CIP2A: variants seen among roughly 807,000 people sequenced by gnomAD.
The protein encoded by CIP2A is protein CIP2A.
In CIP2A, 103 loss-of-function variants were observed where a neutral mutation model predicts 110.9. The observed-to-expected ratio is 0.93, with a 90% confidence interval of 0.79 to 1.09. The LOEUF is 1.09. Among genes scored for constraint, CIP2A ranks in the 50% least tolerant of loss-of-function variants. CIP2A has a pLI of 0.00. For synonymous variants in CIP2A, 381 were observed against 361.6 expected (o/e 1.05, Z -0.61); for missense variants, 1,088 against 1,038.4 (o/e 1.05, Z -0.66).
chr3:108,562,354 G>A (rs1039902376), intron 13 of CIP2A, among the ~76,000 whole-genome samples: 4 of 152,102 alleles, frequency 2.6e-5, no homozygotes, highest in Non-Finnish European at 4.4e-5. Flanking sequence ...AAATGAGTGG[G>A]TGTGGCCATA....
chr3:108,576,267 A>C lies in CIP2A; in HGVS notation c.894+4T>G. The C allele has an allele frequency of 1.3e-6, 2 of 1,521,928 alleles. No homozygotes were observed. Among genetic ancestry groups the C allele is most frequent in the South Asian group, 2.6e-5 (2 of 78,112 alleles). The allele number at this position is 1,521,928 out of a possible 1,614,324, so 94.3% of individuals were successfully genotyped here. On this transcript the variant is annotated splice_donor_region_variant and intron_variant, in intron 8 of 20. Coordinates refer to ENST00000295746, the MANE Select transcript of CIP2A (RefSeq NM_020890.3). The stretch of plus-strand genomic sequence containing the variant: ...TTTAAATGAAAAGTCATGTTTTTAC[A>C]TACCTTTGAAGAGGAATCAGGATCC...
At position 108,581,416 on chromosome 3, in the gene CIP2A, A is replaced by G. The variant is rs1440973952; in HGVS notation, c.548T>C (p.Leu183Ser). The G allele has an allele frequency of 6.3e-7, 1 of 1,595,404 alleles. No homozygotes were observed. Reference protein sequence around the residue: ...NLSVQTHIKTLSNVKSFYRTL... With the variant: ...NLSVQTHIKTSSNVKSFYRTL... The stretch of plus-strand genomic sequence containing the variant: ...ATTAAAAAGAAATAAACTTCTTACC[A>G]ATGTCTTTATGTGCGTTTGAACAGA... Residue 183 changes from leucine (L) to serine (S), a missense_variant and splice_region_variant, in exon 5 of 21, where the codon TTG becomes TCG. By Grantham distance (145) the Leu-to-Ser change is moderately radical. Transcript: ENST00000295746.
rs921829154 is a variant in CIP2A at position 108,581,550 on chromosome 3, A to G, written c.453-39T>C. On this transcript the variant is annotated intron_variant, in intron 4 of 20. Transcript: ENST00000295746. ...TTGGTGTTTTGTTTAAAGAAAAAAT[A>G]GTAAAAGAAAAAAAGCATTAACATT... The G allele has an allele frequency of 2.4e-6, 3 of 1,240,742 alleles. No homozygotes were observed. In the African/African-American group the frequency reaches 4.5e-5, roughly 19 times the overall value. 76.9% of individuals were successfully genotyped at this position (1,240,742 alleles called of 1,614,324 possible). A position where few individuals can be genotyped will look rare whatever the true frequency, so the allele number is the denominator to read the frequency against.
At chr3:108,554,589 T>C (rs1937720711) in intron 17 of CIP2A, 100 bp from the exon 18 acceptor site, 2 of 584,226 alleles carry the variant, frequency 3.4e-6, no homozygotes, top group Non-Finnish European at 3.0e-6. Context: ...TCTAACCAAA[T>C]TGCATATGCT....
chr3:108,570,891 G>A (rs1021167107), intron 8 of CIP2A, among the ~76,000 whole-genome samples: 2 of 152,070 alleles, frequency 1.3e-5, no homozygotes, highest in African/African-American at 2.4e-5. Flanking sequence ...TGACTCTTTT[G>A]TAGTAAGAGA....
rs768224680 is a variant in CIP2A, at chr3:108,563,146, C to A, written c.1614G>T (p.Leu538=). 2 of 1,609,450 alleles carry A rather than the reference C, an allele frequency of 1.2e-6. No homozygotes were observed. Among genetic ancestry groups the A allele is most frequent in the Non-Finnish European group, 1.7e-6 (2 of 1,176,012 alleles). ...CTCACACTAAAGCAGGAAAATCTGG[C>A]AGTGGAGCAGCCTCCAATAATATTC... is the stretch of plus-strand genomic sequence containing the variant. ...GLRILLEAAP[L]PDFPALVLGE... The change falls in exon 13 of 21, where the codon CTG becomes CTT. Residue 538 remains leucine, a synonymous_variant. Coordinates refer to ENST00000295746, the MANE Select transcript of CIP2A (RefSeq NM_020890.3).
intron 5 of CIP2A, among the ~76,000 whole-genome samples, chr3:108,580,511 T>G (rs1310326626): frequency 1.3e-5 from 2 of 148,736 alleles, no homozygotes; most frequent in Non-Finnish European, 3.0e-5. Flanking sequence ...GGCAGAAAAA[T>G]GTAGCACTTG....
Position 108,557,399 on chromosome 3 carries a change from T to C in CIP2A, c.2029A>G (p.Ser677Gly), listed in dbSNP as rs765553368. The change falls in exon 17 of 21, where the codon AGT (serine) becomes GGT (glycine). Residue 677 changes from serine to glycine, a missense_variant. Coordinates refer to ENST00000295746, the MANE Select transcript of CIP2A (RefSeq NM_020890.3). The part of the protein sequence containing the change: ...QAETEARTLA[S>G]MLREVERKNE... The stretch of plus-strand genomic sequence containing the variant: ...TTTCTCTCAACTTCTCTCAACATAC[T>C]AGCAAGTGTCCGTGCCTCAAAAAAA... 2 of 1,596,722 alleles carry C rather than the reference T, an allele frequency of 1.3e-6. No homozygotes were observed. Among genetic ancestry groups the C allele is most frequent in the Admixed American group, 1.7e-5 (1 of 57,748 alleles).
chr3:108,588,808 T>C (rs575033510), intron 1 of CIP2A, among the ~76,000 whole-genome samples: 4 of 152,190 alleles, frequency 2.6e-5, no homozygotes, highest in Non-Finnish European at 4.4e-5. Flanking sequence ...CTTCTTAATG[T>C]TGAAATAATG....
rs1312263213 is a variant in CIP2A at position 108,583,051 on chromosome 3, T to A, written c.283A>T (p.Asn95Tyr). The A allele has an allele frequency of 6.2e-7, 1 of 1,601,666 alleles. No homozygotes were observed. The highest frequency in any genetic ancestry group is 8.5e-7 in the Non-Finnish European group (1 of 1,174,134). ...AGCACACTATTCAGATTATATGTAT[T>A]CTGAAGACAATCTCTGGTTTCAATG... is the stretch of plus-strand genomic sequence containing the variant. ...VDIETRDCLQ[N>Y]TYNLNSVLAG... The change falls in exon 3 of 21, where the codon AAT becomes TAT. Residue 95 changes from asparagine (N) to tyrosine (Y), a missense_variant. Coordinates refer to ENST00000295746, the MANE Select transcript of CIP2A (RefSeq NM_020890.3).
At chr3:108,580,420 TC>T (rs568698100) in intron 5 of CIP2A, among the ~76,000 whole-genome samples, 4 of 136,602 alleles carry the variant, frequency 2.9e-5, no homozygotes, top group African/African-American at 1.1e-4. Context: ...AACTTTTTTT[TC>T]AATTCAGAAA....
chr3:108,556,087 C>T (rs1937793362), intron 17 of CIP2A, among the ~76,000 whole-genome samples: 1 of 152,156 alleles, frequency 6.6e-6, no homozygotes, highest in African/African-American at 2.4e-5. Flanking sequence ...ATCACTAATA[C>T]TACACTTTAT....
intron 1 of CIP2A, chr3:108,585,555 A>C (rs1939017065): frequency 5.2e-6 from 2 of 388,220 alleles, no homozygotes; most frequent in South Asian, 4.2e-5. Flanking sequence ...GTTCCTAGCA[A>C]TATTTCTCCT....
At chr3:108,572,163 G>A (rs1000383855) in intron 8 of CIP2A, among the ~76,000 whole-genome samples, 114 of 151,702 alleles carry the variant, frequency 7.5e-4, no homozygotes, top group African/African-American at 2.6e-3. Context: ...TTTTATTAGT[G>A]GTCTTTTCAT....
intron 10 of CIP2A, 22 bp from the exon 11 acceptor site, chr3:108,566,660 C>G: frequency 1.3e-6 from 2 of 1,501,520 alleles, no homozygotes; most frequent in Non-Finnish European, 9.0e-7. Context: ...TTAAGATATA[C>G]AACAAAAAAA....
At position 108,559,691 on chromosome 3, in the gene CIP2A, T is replaced by A. The variant is rs1013175211; in HGVS notation, c.2013+66A>T. ...TCAATTAGAGTAACAAATACATAAC[T>A]AATATTTTGCATGTTTTACTTATTA... On this transcript the variant is annotated intron_variant, in intron 16 of 20. Transcript: ENST00000295746. 1.6e-5 allele frequency: 13 copies of A among 833,570 alleles called. No homozygotes were observed. The Admixed American group carries it at 3.6e-4, about 23-fold the overall frequency. The allele number at this position is 833,570 out of a possible 1,614,324, so 51.6% of individuals were successfully genotyped here. A position where few individuals can be genotyped will look rare whatever the true frequency, so the allele number is the denominator to read the frequency against.
intron 5 of CIP2A, among the ~76,000 whole-genome samples, chr3:108,581,194 T>C (rs1938864107): frequency 6.6e-6 from 1 of 152,212 alleles, no homozygotes; most frequent in South Asian, 2.1e-4. Flanking sequence ...AAATAAGTGT[T>C]TGCATTAACC....
chr3:108,564,085 T>C (rs1249048846), intron 12 of CIP2A, among the ~76,000 whole-genome samples: 1 of 152,032 alleles, frequency 6.6e-6, no homozygotes, highest in African/African-American at 2.4e-5. Context: ...AAATCCCTTA[T>C]AATTAAAATA....
intron 19 of CIP2A, among the ~76,000 whole-genome samples, chr3:108,552,957 T>G (rs973150749): frequency 4.6e-5 from 7 of 151,976 alleles, no homozygotes; most frequent in African/African-American, 1.7e-4. Context: ...TTGCTACCTA[T>G]TTGGTACTAT....
Sources: allele counts gnomAD v4.1 joint callset (sites outside exome capture counted in the v4.1 genomes callset), GRCh38; gene constraint gnomAD v4.1.1; transcripts MANE v1.5; gene names NCBI Gene and HGNC (gene_info 2026-07-23, HGNC 2026-07-21).